Variants in CLSTN2 observed in about 807,000 individuals in gnomAD.
CLSTN2 encodes the protein calsyntenin-2.
CLSTN2 carries 48 observed loss-of-function variants against 101.2 expected under a neutral mutation model. That is an observed-to-expected ratio of 0.47 (90% CI 0.38 to 0.60). The LOEUF is 0.60. Ranked by LOEUF, CLSTN2 falls within the 20% of genes least tolerant of loss-of-function variation. CLSTN2 has a pLI of 0.00. For synonymous variants in CLSTN2, 481 were observed against 463.6 expected (o/e 1.04, Z -0.48); for missense variants, 1,160 against 1,238.2 (o/e 0.94, Z 0.95).
At position 139,935,510 on chromosome 3, in the gene CLSTN2, TC is replaced by T; in HGVS notation, c.109+30del. 1 of 1,133,552 alleles carries T rather than the reference TC, an allele frequency of 8.8e-7. No individual in the cohort carries two copies. Among genetic ancestry groups the T allele is most frequent in the Non-Finnish European group, 1.1e-6 (1 of 897,572 alleles). 70.2% of individuals were successfully genotyped at this position (1,133,552 alleles called of 1,614,324 possible). A position where few individuals can be genotyped will look rare whatever the true frequency, so the allele number is the denominator to read the frequency against. On this transcript the variant is annotated intron_variant, in intron 1 of 16. Coordinates refer to ENST00000458420, the MANE Select transcript of CLSTN2 (RefSeq NM_022131.3). This position sits in a 1 kb window ranked among gnomAD's most constrained non-coding sequence, Gnocchi z 5.5. ...TGGGTGCTGGGGAAGTTTGCTCTTC[TC>T]CCAGGAGGGAGGCAGGGCAGGCTTG...
chr3:140,052,701 C>T (rs972622722), intron 1 of CLSTN2, among the ~76,000 whole-genome samples: 1 of 152,174 alleles, frequency 6.6e-6, no homozygotes, highest in African/African-American at 2.4e-5. Flanking sequence ...AAGCGTAGCC[C>T]TTTCATTCTT....
At chr3:140,252,233 A>G (rs575205557) in intron 2 of CLSTN2, among the ~76,000 whole-genome samples, 10 of 152,324 alleles carry the variant, frequency 6.6e-5, no homozygotes, top group South Asian at 4.1e-4. Flanking sequence ...TAGGCTAGTG[A>G]TATGAGACCA....
chr3:140,013,543 CTT>C lies in CLSTN2; in HGVS notation c.109+78063_109+78064del, dbSNP rs2007132387. On this transcript the variant is annotated intron_variant, in intron 1 of 16. Coordinates refer to ENST00000458420, the MANE Select transcript of CLSTN2 (RefSeq NM_022131.3). ...TTGGGTGCCAAATATTGAAATATCT[CTT>C]TTCTGAGGCTTTTTCAATCCAAATA... Among the ~76,000 whole-genome samples, 3 of 152,172 alleles carry C rather than the reference CTT, an allele frequency of 2.0e-5. No homozygotes were observed. In the South Asian group the frequency reaches 6.2e-4, roughly 32 times the overall value.
chr3:140,159,543 G>A (rs951788453), intron 1 of CLSTN2, among the ~76,000 whole-genome samples: 5 of 152,100 alleles, frequency 3.3e-5, no homozygotes, highest in African/African-American at 1.2e-4. Context: ...GTGGTGAAAG[G>A]GCATGCTTTT....
intron 1 of CLSTN2, among the ~76,000 whole-genome samples, chr3:140,108,954 A>G (rs1284891991): frequency 1.3e-5 from 2 of 152,118 alleles, no homozygotes; most frequent in Non-Finnish European, 1.5e-5. Context: ...TGAACTGGGT[A>G]TTATGGTCCT....
At chr3:139,977,388 T>C (rs1223926983) in intron 1 of CLSTN2, among the ~76,000 whole-genome samples, 1 of 152,174 alleles carries the variant, frequency 6.6e-6, no homozygotes, top group African/African-American at 2.4e-5. Flanking sequence ...CTGGCATCCC[T>C]GGGCTCAGGC....
chr3:139,946,225 T>G (rs1214657645), intron 1 of CLSTN2, among the ~76,000 whole-genome samples: 1 of 152,234 alleles, frequency 6.6e-6, no homozygotes, highest in Non-Finnish European at 1.5e-5. Context: ...TGGGTACATA[T>G]CCATGCTTTC....
At chr3:140,121,767 G>T (rs1189645407) in intron 1 of CLSTN2, among the ~76,000 whole-genome samples, 1 of 152,148 alleles carries the variant, frequency 6.6e-6, no homozygotes, top group African/African-American at 2.4e-5. Context: ...GGTGGGCTTG[G>T]TGAGAGGGAG....
intron 1 of CLSTN2, among the ~76,000 whole-genome samples, chr3:139,936,025 G>A (rs1356073837): frequency 2.0e-5 from 3 of 151,892 alleles, no homozygotes; most frequent in Non-Finnish European, 4.4e-5. Flanking sequence ...TACCCTCCGG[G>A]TAGGCGGCGG....
At chr3:140,099,791 C>T (rs554881151) in intron 1 of CLSTN2, among the ~76,000 whole-genome samples, 26 of 152,198 alleles carry the variant, frequency 1.7e-4, no homozygotes, top group African/African-American at 6.0e-4. Context: ...ATTTGCCAAC[C>T]CTGAAGAAAA....
At chr3:139,996,008 A>G (rs887894391) in intron 1 of CLSTN2, among the ~76,000 whole-genome samples, 1 of 152,216 alleles carries the variant, frequency 6.6e-6, no homozygotes, top group Non-Finnish European at 1.5e-5. Flanking sequence ...AGCATCATAT[A>G]TTACTAGTAA....
rs1211622457 is a variant in CLSTN2, at chr3:140,429,708, A to G, written c.787+8434A>G. ...CTCAGGGGAGGGAGACCAGCAGAAAAGAATGATTATTTCTGAGTGCACTTT... is the reference window on the plus strand; with the variant it reads ...CTCAGGGGAGGGAGACCAGCAGAAAGGAATGATTATTTCTGAGTGCACTTT... On this transcript the variant is annotated intron_variant, in intron 5 of 16. Coordinates refer to ENST00000458420, the MANE Select transcript of CLSTN2 (RefSeq NM_022131.3). Among the ~76,000 whole-genome samples, 9 of 152,276 alleles carry G rather than the reference A, an allele frequency of 5.9e-5. No homozygotes were observed. In the East Asian group the frequency reaches 1.3e-3, roughly 23 times the overall value.
At chr3:140,269,904 C>T (rs182095914) in intron 2 of CLSTN2, among the ~76,000 whole-genome samples, 55 of 152,188 alleles carry the variant, frequency 3.6e-4, no homozygotes, top group Non-Finnish European at 5.7e-4. Context: ...ATCATAACTA[C>T]ACTTATCTCA....
chr3:140,273,823 G>A (rs1292475630), intron 2 of CLSTN2, among the ~76,000 whole-genome samples: 3 of 152,176 alleles, frequency 2.0e-5, no homozygotes, highest in Non-Finnish European at 1.5e-5. Context: ...AAGGCACTTT[G>A]TAGTTGATCA....
At chr3:140,466,761 C>T in intron 8 of CLSTN2, 30 bp downstream of exon 8, 2 of 1,613,214 alleles carry the variant, frequency 1.2e-6, no homozygotes, top group Non-Finnish European at 1.7e-6. Context: ...CCTGCTGCTA[C>T]TCATGCCTCT....
At chr3:140,044,644 C>G (rs2007832258) in intron 1 of CLSTN2, among the ~76,000 whole-genome samples, 1 of 152,162 alleles carries the variant, frequency 6.6e-6, no homozygotes, top group South Asian at 2.1e-4. Context: ...TTTGCCCATT[C>G]AGTATGATAT....
intron 1 of CLSTN2, among the ~76,000 whole-genome samples, chr3:140,082,260 G>A (rs1461784417): frequency 6.6e-6 from 1 of 152,158 alleles, no homozygotes; most frequent in African/African-American, 2.4e-5. Context: ...TTCTCCTGTG[G>A]CTGGCATTCT....
intron 5 of CLSTN2, among the ~76,000 whole-genome samples, chr3:140,422,556 G>T (rs1356592052): frequency 2.6e-5 from 4 of 152,206 alleles, no homozygotes; most frequent in African/African-American, 9.7e-5. Context: ...GAGAGCCAGA[G>T]TTGTATGCCT....
At chr3:140,319,031 C>T (rs2087257951) in intron 2 of CLSTN2, among the ~76,000 whole-genome samples, 1 of 152,020 alleles carries the variant, frequency 6.6e-6, no homozygotes, top group Admixed American at 6.6e-5. Context: ...GTTAAATTAT[C>T]CCTGAATTTT....
Sources: allele counts gnomAD v4.1 joint callset (sites outside exome capture counted in the v4.1 genomes callset), GRCh38; gene constraint gnomAD v4.1.1; non-coding constraint Gnocchi (gnomAD v3.1); transcripts MANE v1.5; gene names NCBI Gene and HGNC (gene_info 2026-07-23, HGNC 2026-07-21).